THADA: variants seen among roughly 807,000 people sequenced by gnomAD.
The protein encoded by THADA is tRNA (32-2'-O)-methyltransferase regulator THADA.
THADA carries 213 observed loss-of-function variants against 219.8 expected under a neutral mutation model. The ratio of observed to expected loss-of-function variants is 0.97; its 90% CI spans 0.87 to 1.09. The LOEUF (loss-of-function observed/expected upper bound fraction) is 1.09. Ranked by LOEUF, THADA falls within the 50% of genes least tolerant of loss-of-function variation. The probability of loss-of-function intolerance (pLI) is 0.00; values close to 1 mark genes in which losing one functional copy is unlikely to be tolerated. For missense variants in THADA, 2,956 were observed against 2,311.3 expected (o/e 1.28, Z -5.72); for synonymous variants, 1,018 against 828.9 (o/e 1.23, Z -3.92).
chr2:43,385,055 C>T (rs6733102), intron 29 of THADA, among the ~76,000 whole-genome samples: 3,442 of 151,884 alleles, frequency 0.023, 138 homozygotes, highest in African/African-American at 0.079. Flanking sequence ...GCAGGAGAAT[C>T]GCTTGAACCT....
chr2:43,541,047 T>G, intron 21 of THADA, 112 bp downstream of exon 21: 1 of 1,054,266 alleles, frequency 9.5e-7, no homozygotes, highest in Non-Finnish European at 1.3e-6. Context: ...AACATTTGTA[T>G]GATTTTATTC....
intron 29 of THADA, among the ~76,000 whole-genome samples, chr2:43,345,589 A>G (rs567938847): frequency 2.6e-5 from 4 of 152,266 alleles, no homozygotes; most frequent in African/African-American, 9.6e-5. Flanking sequence ...GTCTGGAGCA[A>G]TGGGTCTGGC....
intron 14 of THADA, among the ~76,000 whole-genome samples, chr2:43,567,036 G>A (rs1698773546): frequency 6.6e-6 from 1 of 151,652 alleles, no homozygotes; most frequent in Non-Finnish European, 1.5e-5. Context: ...TATATTTGCA[G>A]AGTCAACAAG....
intron 25 of THADA, among the ~76,000 whole-genome samples, chr2:43,493,194 T>C (rs1459461003): frequency 2.6e-5 from 4 of 152,064 alleles, no homozygotes. Flanking sequence ...GCAAGCTAAA[T>C]ATACACCAGA....
At chr2:43,344,670 G>A (rs1231109519) in intron 29 of THADA, among the ~76,000 whole-genome samples, 1 of 152,162 alleles carries the variant, frequency 6.6e-6, no homozygotes, top group East Asian at 1.9e-4. Flanking sequence ...ACATGTCTGA[G>A]TTCATTAGAA....
intron 22 of THADA, among the ~76,000 whole-genome samples, chr2:43,525,988 C>T (rs1036752533): frequency 5.3e-5 from 8 of 152,190 alleles, no homozygotes; most frequent in African/African-American, 1.9e-4. Flanking sequence ...CAGAAAACTG[C>T]TTTTACATGC....
At chr2:43,330,346 T>C (rs993370410) in intron 30 of THADA, among the ~76,000 whole-genome samples, 1 of 152,108 alleles carries the variant, frequency 6.6e-6, no homozygotes, top group African/African-American at 2.4e-5. Context: ...TGATCATCAC[T>C]GGCAGCTGAG....
intron 19 of THADA, among the ~76,000 whole-genome samples, chr2:43,551,028 G>C (rs748567510): frequency 6.6e-6 from 1 of 152,132 alleles, no homozygotes; most frequent in Non-Finnish European, 1.5e-5. Context: ...TTACTATCGT[G>C]AACCATCACC....
intron 15 of THADA, chr2:43,566,245 A>G (rs780782962): frequency 2.2e-4 from 108 of 486,624 alleles, no homozygotes; most frequent in East Asian, 5.3e-4. Flanking sequence ...TTACATCCTC[A>G]TATTGTCTTT....
At chr2:43,593,629 ACTT>A (rs1400096956) in intron 1 of THADA, among the ~76,000 whole-genome samples, 3 of 143,022 alleles carry the variant, frequency 2.1e-5, no homozygotes, top group Non-Finnish European at 4.5e-5. Flanking sequence ...TCTACTACAG[ACTT>A]TTTTTTTTTT....
At position 43,592,023 on chromosome 2, in the gene THADA, T is replaced by G. The variant is rs1329769752; in HGVS notation, c.100A>C (p.Asn34His). 1.3e-6 allele frequency: 2 copies of G among 1,561,776 alleles called. No homozygotes were observed. The highest frequency in any genetic ancestry group is 1.4e-5 in the African/African-American group (1 of 73,756). The change falls in exon 3 of 38, where the codon AAT becomes CAT. Residue 34 changes from asparagine (N) to histidine (H), a missense_variant. Transcript: ENST00000405975. ...LKSFADVEGK[N>H]LASLLLHCVQ... ...CAATGTAACAGCAAAGAAGCTAGAT[T>G]TTTCCCTTCCACATCAGCAAAAGCT...
chr2:43,579,833 G>C (rs1168462678), intron 8 of THADA, among the ~76,000 whole-genome samples: 1 of 152,118 alleles, frequency 6.6e-6, no homozygotes, highest in Non-Finnish European at 1.5e-5. Flanking sequence ...CAGCAGAAAA[G>C]CAGAAAATGT....
rs76727071 is a variant in THADA at position 43,507,187 on chromosome 2, T to C, written c.3508-1452A>G. On this transcript the variant is annotated intron_variant, in intron 23 of 37. Coordinates refer to ENST00000405975, the MANE Select transcript of THADA (RefSeq NM_022065.5). ...AAAAAAAATTTAGACTTCATTCAAC[T>C]AAAAAAAAGCTACATTCAATTACTA... is the stretch of plus-strand genomic sequence containing the variant. Among the ~76,000 whole-genome samples, 1,101 of 152,078 alleles carry C rather than the reference T, an allele frequency of 7.2e-3. 13 individuals carry two copies. The highest frequency in any genetic ancestry group is 0.025 in the African/African-American group (1,056 of 41,508).
At chr2:43,372,378 C>G (rs965392121) in intron 29 of THADA, 4 of 152,140 alleles carry the variant, frequency 2.6e-5, no homozygotes, top group African/African-American at 9.7e-5. Context: ...TTTTGTAGTA[C>G]ATGTGTCAGA....
At chr2:43,586,296 A>C in intron 7 of THADA, 105 bp downstream of exon 7, 1 of 931,394 alleles carries the variant, frequency 1.1e-6, no homozygotes, top group South Asian at 2.1e-5. Context: ...ATATTAATGA[A>C]AAGGGATGAA....
intron 29 of THADA, among the ~76,000 whole-genome samples, chr2:43,345,932 A>G (rs1041245722): frequency 2.0e-5 from 3 of 152,246 alleles, no homozygotes; most frequent in African/African-American, 7.2e-5. Flanking sequence ...GGCAAAAACA[A>G]GACTGTTTTT....
intron 32 of THADA, 74 bp downstream of exon 32, chr2:43,292,760 G>C: frequency 1.3e-6 from 2 of 1,540,602 alleles, no homozygotes; most frequent in Admixed American, 1.8e-5. Context: ...TTGCCTTCAT[G>C]ATCCTACCAT....
chr2:43,486,705 T>C (rs1417814248), intron 25 of THADA: 2 of 152,242 alleles, frequency 1.3e-5, no homozygotes, highest in East Asian at 1.9e-4. Context: ...CTTGGTCTAA[T>C]GCAGTCAGTG....
At chr2:43,510,246 C>G (rs567631693) in intron 22 of THADA, among the ~76,000 whole-genome samples, 5 of 152,182 alleles carry the variant, frequency 3.3e-5, no homozygotes, top group African/African-American at 1.2e-4. Context: ...AATACTTCAG[C>G]AAACAACAAT....
Sources: allele counts gnomAD v4.1 joint callset (sites outside exome capture counted in the v4.1 genomes callset), GRCh38; gene constraint gnomAD v4.1.1; transcripts MANE v1.5; gene names NCBI Gene and HGNC (gene_info 2026-07-23, HGNC 2026-07-21).